The following WDR27 variants were observed in gnomAD, a reference collection of about 807,000 sequenced individuals.
WDR27 encodes WD repeat-containing protein 27.
A neutral mutation model predicts 114.4 loss-of-function variants in WDR27; 100 were observed. The observed-to-expected ratio is 0.87, with a 90% CI of 0.74 to 1.03. WDR27 has a LOEUF of 1.03. WDR27 is among the 50% of genes least tolerant of loss of function. The probability of loss-of-function intolerance (pLI) is 0.00; values close to 1 mark genes in which losing one functional copy is unlikely to be tolerated. For synonymous variants in WDR27, 449 were observed against 423.1 expected (o/e 1.06, Z -0.75); for missense variants, 1,129 against 1,092.9 (o/e 1.03, Z -0.47).
At chr6:169,470,093 A>C (rs2115325536) in intron 25 of WDR27, among the ~76,000 whole-genome samples, 1 of 152,338 alleles carries the variant, frequency 6.6e-6, no homozygotes, top group African/African-American at 2.4e-5. Flanking sequence ...AAAATACTAG[A>C]ATACAATTCA....
At chr6:169,689,102 A>C in intron 1 of WDR27, 90 bp from the exon 2 acceptor site, 1 of 828,554 alleles carries the variant, frequency 1.2e-6, no homozygotes. Flanking sequence ...TACTAGTTTG[A>C]CCACACACAT....
intron 2 of WDR27, among the ~76,000 whole-genome samples, chr6:169,687,531 C>A (rs552066843): frequency 6.6e-6 from 1 of 152,198 alleles, no homozygotes; most frequent in African/African-American, 2.4e-5. Context: ...TACCACTATG[C>A]CCTTTTCGAA....
intron 1 of WDR27, among the ~76,000 whole-genome samples, chr6:169,692,072 C>CCAAA (rs58078275): frequency 0.4 from 60,384 of 151,858 alleles, 14,073 homozygotes; most frequent in East Asian, 0.94. Context: ...AAAACTGCCT[C>CCAAA]CAAACACCCC....
At chr6:169,464,075 C>T (rs1318941948) in intron 25 of WDR27, among the ~76,000 whole-genome samples, 2 of 152,148 alleles carry the variant, frequency 1.3e-5, no homozygotes, top group African/African-American at 4.8e-5. Flanking sequence ...TAAAAACAAT[C>T]TTGAAAAGGA....
chr6:169,510,280 G>C (rs558040855), intron 25 of WDR27, among the ~76,000 whole-genome samples: 36 of 152,092 alleles, frequency 2.4e-4, no homozygotes, highest in African/African-American at 8.0e-4. Context: ...CCCATTACTG[G>C]GTATATACCC....
the WDR27 span, among the ~76,000 whole-genome samples, chr6:169,434,924 G>T: frequency 6.6e-6 from 1 of 152,214 alleles, no homozygotes; most frequent in South Asian, 2.1e-4. Flanking sequence ...CATGTCAGAG[G>T]TCTTCACAGC....
intron 23 of WDR27, among the ~76,000 whole-genome samples, chr6:169,600,653 A>G (rs1215114271): frequency 1.3e-5 from 2 of 152,252 alleles, no homozygotes; most frequent in Non-Finnish European, 2.9e-5. Flanking sequence ...CGGCACGAGA[A>G]CTACGTGACG....
chr6:169,649,226 A>T lies in WDR27; in HGVS notation c.1531T>A (p.Ser511Thr). 1 of 1,578,270 alleles carries T rather than the reference A, an allele frequency of 6.3e-7. No homozygotes were observed. Among genetic ancestry groups the T allele is most frequent in the Non-Finnish European group, 8.6e-7 (1 of 1,161,254 alleles). Residue 511 changes from serine (S) to threonine (T), a missense_variant, in exon 15 of 26, where the codon TCT becomes ACT. Physicochemically the swap from Ser to Thr is moderately conservative, Grantham distance 58. Transcript: ENST00000448612. ...GCGCAGCTGCTCCTGCTCCTTGAAGATCCTTTCCCCTCACTCTTGATGTTG... is the reference window on the plus strand; with the variant it reads ...GCGCAGCTGCTCCTGCTCCTTGAAGTTCCTTTCCCCTCACTCTTGATGTTG... ...KTNIKSEGKGSSRSRSSCARE... is the reference protein window; with the variant it reads ...KTNIKSEGKGTSRSRSSCARE...
In WDR27 at chr6:169,634,515, T is replaced by C. The variant is rs1420142881; in HGVS notation, c.2014A>G (p.Lys672Glu). Reference sequence around the variant, plus strand: ...CTGCAAATCAGCTTGGACTTGCTCTTCTGTTTATATCTGGAAGAGAAAATC... The same window carrying C: ...CTGCAAATCAGCTTGGACTTGCTCTCCTGTTTATATCTGGAAGAGAAAATC... The part of the protein sequence containing the change: ...CKDEIKRYKQ[K>E]SKSKLICRLS... Residue 672 changes from lysine (K) to glutamate (E), a missense_variant, in exon 20 of 26, where the codon AAG (lysine) becomes GAG (glutamate). Coordinates refer to ENST00000448612, the MANE Select transcript of WDR27 (RefSeq NM_182552.5). The C allele has an allele frequency of 9.3e-6, 15 of 1,608,642 alleles. No individual in the cohort carries two copies. Among genetic ancestry groups the C allele is most frequent in the Non-Finnish European group, 1.3e-5 (15 of 1,177,178 alleles).
intron 25 of WDR27, among the ~76,000 whole-genome samples, chr6:169,470,768 A>G (rs549588447): frequency 6.6e-6 from 1 of 152,318 alleles, no homozygotes; most frequent in South Asian, 2.1e-4. Context: ...CTCCAAGTAT[A>G]GTGATGTCAG....
intron 2 of WDR27, among the ~76,000 whole-genome samples, chr6:169,678,431 T>A (rs1384396132): frequency 2.6e-5 from 4 of 152,268 alleles, no homozygotes; most frequent in Non-Finnish European, 4.4e-5. Flanking sequence ...GAAATGGGAA[T>A]GTTTATCCAA....
intron 19 of WDR27, among the ~76,000 whole-genome samples, chr6:169,635,365 C>G (rs889301767): frequency 3.3e-5 from 5 of 152,168 alleles, no homozygotes; most frequent in African/African-American, 1.2e-4. Flanking sequence ...AGCCTAGCGA[C>G]AGAGTGAGAC....
intron 14 of WDR27, among the ~76,000 whole-genome samples, chr6:169,651,551 C>T (rs1289337751): frequency 1.3e-5 from 2 of 152,058 alleles, no homozygotes; most frequent in Admixed American, 6.5e-5. Flanking sequence ...TCTGATGTTA[C>T]GGCAGAGCTG....
rs923534978 is a variant in WDR27 at position 169,614,751 on chromosome 6, A to G, written c.2224-1095T>C. 2.6e-5 allele frequency among the ~76,000 whole-genome samples: 4 copies of G among 152,200 alleles called. No individual in the cohort carries two copies. The East Asian group carries it at 7.7e-4, about 29-fold the overall frequency. On this transcript the variant is annotated intron_variant, in intron 21 of 25. Transcript: ENST00000448612. ...AAAGCTGTAATACATGTTTTAAAATAATAATAATTCACACTAATAATTGAG... is the reference window on the plus strand; with the variant it reads ...AAAGCTGTAATACATGTTTTAAAATGATAATAATTCACACTAATAATTGAG...
intron 15 of WDR27, among the ~76,000 whole-genome samples, chr6:169,648,538 C>A (rs548994740): frequency 6.6e-5 from 10 of 152,260 alleles, no homozygotes; most frequent in Non-Finnish European, 1.3e-4. Context: ...CAGAACGTGG[C>A]AGGACAGCAG....
the WDR27 span, among the ~76,000 whole-genome samples, chr6:169,448,432 A>AT: frequency 6.0e-5 from 9 of 150,214 alleles, no homozygotes; most frequent in South Asian, 2.1e-4. Context: ...GTATATATAT[A>AT]TATTTTTTTA....
At chr6:169,597,201 G>A (rs1026158333) in intron 23 of WDR27, among the ~76,000 whole-genome samples, 3 of 152,172 alleles carry the variant, frequency 2.0e-5, no homozygotes, top group African/African-American at 7.2e-5. Flanking sequence ...CAACAATGCA[G>A]TAAAATTCTC....
Position 169,602,364 on chromosome 6 carries a change from A to G in WDR27, c.2322-43T>C, listed in dbSNP as rs746363077. 9 of 1,323,644 alleles carry G rather than the reference A, an allele frequency of 6.8e-6. No homozygotes were observed. The East Asian group carries it at 2.3e-4, about 34-fold the overall frequency. 82.0% of individuals were successfully genotyped at this position (1,323,644 alleles called of 1,614,324 possible). On this transcript the variant is annotated intron_variant, in intron 22 of 25. Coordinates refer to ENST00000448612, the MANE Select transcript of WDR27 (RefSeq NM_182552.5). ...ACACCAGGAGAAAAATCATTTTAAA[A>G]TTTGAATGCAAATTAGAGGAAAGAA...
Position 169,641,883 on chromosome 6 carries a change from C to G in WDR27, c.1747+1814G>C, listed in dbSNP as rs547815783. ...TCTCCCGCGCAGCGCGCTCAGAAGCCGCCATCCCGTATCGCTGAGAATCTA... is the reference window on the plus strand; with the variant it reads ...TCTCCCGCGCAGCGCGCTCAGAAGCGGCCATCCCGTATCGCTGAGAATCTA... On this transcript the variant is annotated intron_variant, in intron 17 of 25. Transcript: ENST00000448612. Among the ~76,000 whole-genome samples, 538 of 152,370 alleles carry G rather than the reference C, an allele frequency of 3.5e-3. 3 individuals carry two copies. Among genetic ancestry groups the G allele is most frequent in the Non-Finnish European group, 5.2e-3 (356 of 68,034 alleles).
Sources: gnomAD v4.1 joint callset for allele counts (sites outside exome capture counted in the v4.1 genomes callset) on GRCh38, gnomAD v4.1.1 for gene constraint, MANE v1.5 for transcripts, NCBI Gene and HGNC (gene_info 2026-07-23, HGNC 2026-07-21) for gene names.